Variants in C2orf76 observed in about 807,000 individuals in gnomAD.
The protein encoded by C2orf76 is chromosome 2 open reading frame 76.
In C2orf76, 23 loss-of-function variants were observed where a neutral mutation model predicts 16.9. The ratio of observed to expected loss-of-function variants is 1.36; its 90% CI spans 0.98 to 1.93. The LOEUF is 1.93. Among genes scored for constraint, C2orf76 ranks in the 30% most tolerant of loss-of-function variants. The pLI, the probability that C2orf76 is intolerant of heterozygous loss-of-function variation, is 0.00. For missense variants in C2orf76, 152 were observed against 152.6 expected, an observed-to-expected ratio of 1.00 and a Z score of 0.02; for synonymous variants, 48 against 52.3, an observed-to-expected ratio of 0.92 and a Z score of 0.35.
chr2:119,348,517 T>G (rs1680277436), intron 1 of C2orf76, among the ~76,000 whole-genome samples: 1 of 152,050 alleles, frequency 6.6e-6, no homozygotes, highest in Non-Finnish European at 1.5e-5. Flanking sequence ...TGAAACCCTG[T>G]CTCTACTAAA....
downstream of C2orf76, among the ~76,000 whole-genome samples, chr2:119,297,897 T>G (rs982377965): frequency 6.6e-6 from 1 of 152,202 alleles, no homozygotes; most frequent in Admixed American, 6.5e-5. Flanking sequence ...GATGGAAATA[T>G]GTCAAAATGT....
chr2:119,308,256 C>T lies in C2orf76; in HGVS notation c.304+3366G>A, dbSNP rs186724229. Among the ~76,000 whole-genome samples the T allele has an allele frequency of 2.8e-3, 431 of 152,340 alleles. 2 individuals are homozygous for T. Among genetic ancestry groups the T allele is most frequent in the Middle Eastern group, 0.017 (5 of 294 alleles). On this transcript the variant is annotated intron_variant, in intron 5 of 5. Coordinates refer to ENST00000334816, the MANE Select transcript of C2orf76 (RefSeq NM_001322331.2). The stretch of plus-strand genomic sequence containing the variant: ...ATATCAATTACTGGCAATGCCAGCA[C>T]CTCAAGAAACCATTTCTATAATTTT...
At chr2:119,321,409 G>C (rs1303559084) in intron 2 of C2orf76, among the ~76,000 whole-genome samples, 1 of 152,044 alleles carries the variant, frequency 6.6e-6, no homozygotes, top group African/African-American at 2.4e-5. Context: ...CCCAAGACTA[G>C]GTAATCTATT....
chr2:119,305,539 A>G (rs1279817421), intron 5 of C2orf76, among the ~76,000 whole-genome samples: 1 of 152,222 alleles, frequency 6.6e-6, no homozygotes, highest in African/African-American at 2.4e-5. Flanking sequence ...GTTGTCTGGA[A>G]AAAGGAGCCT....
At chr2:119,363,193 G>A (rs1397266023) in intron 1 of C2orf76, among the ~76,000 whole-genome samples, 1 of 152,160 alleles carries the variant, frequency 6.6e-6, no homozygotes. Flanking sequence ...GGGAGGCCGA[G>A]ACGGGCGGAT....
intron 1 of C2orf76, among the ~76,000 whole-genome samples, chr2:119,345,318 G>A (rs1680163269): frequency 6.6e-6 from 1 of 152,140 alleles, no homozygotes; most frequent in Admixed American, 6.5e-5. Context: ...CCATCAGACT[G>A]GTATAATAAG....
upstream of C2orf76, chr2:119,366,983 A>G (rs554658044): frequency 1.9e-6 from 3 of 1,606,666 alleles, no homozygotes; most frequent in Admixed American, 1.7e-5. Context: ...TGCCAGTGCA[A>G]TCTGGGCGAT....
upstream of C2orf76, chr2:119,366,930 C>T (rs898718420): frequency 5.4e-6 from 7 of 1,296,812 alleles, no homozygotes; most frequent in African/African-American, 8.8e-5. Context: ...CGGTGCTCGC[C>T]CGAGCAGGGT....
intron 3 of C2orf76, among the ~76,000 whole-genome samples, chr2:119,320,367 T>A (rs1679305771): frequency 6.6e-6 from 1 of 152,230 alleles, no homozygotes; most frequent in Admixed American, 6.5e-5. Context: ...TCATCCTTTT[T>A]ATTCCTTTAT....
chr2:119,339,928 C>T lies in C2orf76; in HGVS notation c.32G>A (p.Arg11His), dbSNP rs771993808. 5.0e-6 allele frequency: 8 copies of T among 1,612,394 alleles called. No homozygotes were observed. In the Admixed American group the frequency reaches 6.7e-5, roughly 13 times the overall value. MAPGEVTITV[R>H]LIRSFEHRNF... The stretch of plus-strand genomic sequence containing the variant: ...GCGATGTTCAAAGGAACGGATGAGG[C>T]GAACTGTGATGGTCACTTCTCCAGG... Residue 11 changes from arginine to histidine, a missense_variant, in exon 2 of 6, where the codon CGC becomes CAC. By Grantham distance (29) the Arg-to-His change is conservative. Coordinates refer to ENST00000334816, the MANE Select transcript of C2orf76 (RefSeq NM_001322331.2).
At chr2:119,305,357 A>G (rs893672116) in intron 5 of C2orf76, among the ~76,000 whole-genome samples, 1 of 152,224 alleles carries the variant, frequency 6.6e-6, no homozygotes, top group Non-Finnish European at 1.5e-5. Context: ...ATGAAAGAAT[A>G]TAAGAACAAT....
intron 1 of C2orf76, among the ~76,000 whole-genome samples, chr2:119,347,610 C>T (rs915111040): frequency 6.6e-5 from 10 of 152,032 alleles, no homozygotes; most frequent in Non-Finnish European, 1.0e-4. Context: ...TGGTGGCCCA[C>T]GCCTGTAATC....
At chr2:119,353,025 G>A (rs1443467820) in intron 1 of C2orf76, among the ~76,000 whole-genome samples, 1 of 152,156 alleles carries the variant, frequency 6.6e-6, no homozygotes, top group East Asian at 1.9e-4. Flanking sequence ...AAGGTGAGCA[G>A]ATATAAAAGG....
chr2:119,304,269 T>G (rs1263963034), intron 5 of C2orf76, among the ~76,000 whole-genome samples: 1 of 152,254 alleles, frequency 6.6e-6, no homozygotes, highest in East Asian at 1.9e-4. Context: ...TGTGATGTGC[T>G]ATTTACATAC....
chr2:119,345,717 T>C (rs1680175528), intron 1 of C2orf76, among the ~76,000 whole-genome samples: 1 of 151,852 alleles, frequency 6.6e-6, no homozygotes, highest in African/African-American at 2.4e-5. Flanking sequence ...AAATAGCTGA[T>C]GAAAAAAAGT....
intron 1 of C2orf76, among the ~76,000 whole-genome samples, chr2:119,341,643 A>G (rs1461378464): frequency 6.6e-6 from 1 of 152,228 alleles, no homozygotes; most frequent in Non-Finnish European, 1.5e-5. Context: ...CGAGCAGGGC[A>G]TAGTTCTATC....
At chr2:119,310,602 C>T (rs7585528) in intron 5 of C2orf76, among the ~76,000 whole-genome samples, 11 of 152,124 alleles carry the variant, frequency 7.2e-5, no homozygotes, top group Admixed American at 7.2e-4. Flanking sequence ...TGTTCCTTAA[C>T]AAGTGCATAT....
intron 1 of C2orf76, among the ~76,000 whole-genome samples, chr2:119,350,243 A>G (rs931669136): frequency 2.0e-5 from 3 of 152,060 alleles, no homozygotes; most frequent in East Asian, 1.9e-4. Flanking sequence ...ATCAAAATTA[A>G]TATTAATTAT....
At chr2:119,322,176 C>A (rs2104568065) in intron 2 of C2orf76, among the ~76,000 whole-genome samples, 1 of 152,096 alleles carries the variant, frequency 6.6e-6, no homozygotes, top group East Asian at 1.9e-4. Context: ...CCTAGCCATT[C>A]CACTTCAGAA....
Sources: allele counts gnomAD v4.1 joint callset (sites outside exome capture counted in the v4.1 genomes callset), GRCh38; gene constraint gnomAD v4.1.1; transcripts MANE v1.5; gene names NCBI Gene and HGNC (gene_info 2026-07-23, HGNC 2026-07-21).